CTIF: variants seen among roughly 807,000 people sequenced by gnomAD.
CTIF encodes the protein CBP80/20-dependent translation initiation factor.
A neutral mutation model predicts 66.0 loss-of-function variants in CTIF; 21 were observed. That is an observed-to-expected ratio of 0.32 (90% CI 0.23 to 0.46). CTIF has a LOEUF of 0.46. Ranked by LOEUF, CTIF falls within the 20% of genes least tolerant of loss-of-function variation. The pLI is 1.00. For synonymous variants in CTIF, 345 were observed against 326.4 expected, an observed-to-expected ratio of 1.06 and a Z score of -0.62; for missense variants, 739 against 812.7, an observed-to-expected ratio of 0.91 and a Z score of 1.10.
chr18:48,834,092 C>T (rs1255900632), intron 10 of CTIF, among the ~76,000 whole-genome samples: 3 of 149,202 alleles, frequency 2.0e-5, no homozygotes, highest in Admixed American at 1.3e-4. Flanking sequence ...TGAGGGTCGG[C>T]AAATGTCTGG....
intron 9 of CTIF, among the ~76,000 whole-genome samples, chr18:48,801,716 C>A (rs984629502): frequency 6.6e-6 from 1 of 152,208 alleles, no homozygotes; most frequent in African/African-American, 2.4e-5. Context: ...TTGGGCCACT[C>A]ATTGAAAGTA....
At chr18:48,711,393 C>A (rs376868521) in intron 6 of CTIF, among the ~76,000 whole-genome samples, 1 of 152,184 alleles carries the variant, frequency 6.6e-6, no homozygotes, top group Non-Finnish European at 1.5e-5. Context: ...TCCTCATTGT[C>A]CCTACTGTTC....
At chr18:48,674,542 A>G (rs2091594013) in intron 6 of CTIF, among the ~76,000 whole-genome samples, 1 of 152,238 alleles carries the variant, frequency 6.6e-6, no homozygotes, top group African/African-American at 2.4e-5. Context: ...GCTGACACCT[A>G]GGCGTCTGGC....
chr18:48,686,504 C>A (rs2091842209), intron 6 of CTIF, among the ~76,000 whole-genome samples: 2 of 151,742 alleles, frequency 1.3e-5, no homozygotes, highest in Non-Finnish European at 2.9e-5. Flanking sequence ...AAGATCGGGA[C>A]CTAGGTGTGC....
chr18:48,717,256 G>A (rs1010744145), intron 7 of CTIF, among the ~76,000 whole-genome samples: 8 of 151,990 alleles, frequency 5.3e-5, no homozygotes, highest in African/African-American at 1.9e-4. Flanking sequence ...AAAATTAGCC[G>A]AGCGTGGTGG....
chr18:48,747,766 A>C (rs1179294736), intron 7 of CTIF, among the ~76,000 whole-genome samples: 1 of 151,498 alleles, frequency 6.6e-6, no homozygotes, highest in East Asian at 1.9e-4. Context: ...AAAAAAAAAA[A>C]AATTAGCCAG....
intron 1 of CTIF, among the ~76,000 whole-genome samples, 174 bp from the exon 2 acceptor site, chr18:48,619,364 T>C (rs983630207): frequency 4.6e-5 from 7 of 152,180 alleles, no homozygotes; most frequent in East Asian, 3.9e-4. Context: ...TTACAGCACA[T>C]AGTTTATGCT....
At chr18:48,663,401 C>T (rs1372257424) in intron 3 of CTIF, among the ~76,000 whole-genome samples, 1 of 152,070 alleles carries the variant, frequency 6.6e-6, no homozygotes, top group African/African-American at 2.4e-5. Context: ...CTCTGCAGAG[C>T]CCCTCCCTGG....
At chr18:48,631,097 A>G (rs989267284) in intron 2 of CTIF, among the ~76,000 whole-genome samples, 4 of 152,186 alleles carry the variant, frequency 2.6e-5, no homozygotes, top group African/African-American at 9.7e-5. Flanking sequence ...CCACACTCTG[A>G]GCTTCTTGCT....
At chr18:48,622,232 C>T (rs1478781587) in intron 2 of CTIF, among the ~76,000 whole-genome samples, 1 of 151,888 alleles carries the variant, frequency 6.6e-6, no homozygotes, top group Admixed American at 6.6e-5. Context: ...TGGAGGCCAC[C>T]CAAAGAATTG....
intron 9 of CTIF, among the ~76,000 whole-genome samples, chr18:48,790,316 C>A (rs768880210): frequency 2.0e-5 from 3 of 152,232 alleles, no homozygotes; most frequent in Admixed American, 1.3e-4. Context: ...GAGGAAGTGT[C>A]CAACAGGCAG....
rs62105198 is a variant in CTIF at position 48,678,837 on chromosome 18, C to T, written c.507+8093C>T. Among the ~76,000 whole-genome samples the T allele has an allele frequency of 6.9e-3, 1,055 of 152,260 alleles. 7 individuals are homozygous for T. The highest frequency in any genetic ancestry group is 0.012 in the South Asian group (57 of 4,818). On this transcript the variant is annotated intron_variant, in intron 6 of 11. Transcript: ENST00000256413. ...CAAGTCTGCCCACCCTATAGGAACA[C>T]CTCAATGATCCAGGCCACGGCTAGG...
intron 1 of CTIF, among the ~76,000 whole-genome samples, chr18:48,584,697 C>A (rs1482453733): frequency 6.6e-6 from 1 of 152,220 alleles, no homozygotes; most frequent in Non-Finnish European, 1.5e-5. Context: ...TGACTGTCTG[C>A]CCACCATGCT....
At chr18:48,757,402 A>G (rs568996625) in intron 7 of CTIF, among the ~76,000 whole-genome samples, 2 of 152,362 alleles carry the variant, frequency 1.3e-5, no homozygotes, top group South Asian at 4.1e-4. Context: ...CAAAAAAAAA[A>G]AAGTTGTTTG....
chr18:48,748,465 C>G (rs1012794652), intron 7 of CTIF, among the ~76,000 whole-genome samples: 1 of 152,122 alleles, frequency 6.6e-6, no homozygotes, highest in Admixed American at 6.5e-5. Context: ...AAGCCAGAAG[C>G]CTAGAGGTGT....
intron 1 of CTIF, among the ~76,000 whole-genome samples, chr18:48,562,738 GA>G (rs2089191333): frequency 6.6e-6 from 1 of 152,138 alleles, no homozygotes; most frequent in Non-Finnish European, 1.5e-5. Context: ...CATTTTTATC[GA>G]GCATGATCAT....
chr18:48,641,408 G>A (rs1459392902), intron 3 of CTIF, among the ~76,000 whole-genome samples: 1 of 152,244 alleles, frequency 6.6e-6, no homozygotes, highest in Non-Finnish European at 1.5e-5. Flanking sequence ...GCAAGGTGAT[G>A]AAATCTTTGC....
At chr18:48,849,835 C>T (rs987894422) in intron 10 of CTIF, among the ~76,000 whole-genome samples, 3 of 152,050 alleles carry the variant, frequency 2.0e-5, no homozygotes, top group East Asian at 3.9e-4. Flanking sequence ...CCACCCGTCT[C>T]GACCTCCCAA....
chr18:48,568,670 A>T (rs1181100002), intron 1 of CTIF, among the ~76,000 whole-genome samples: 93 of 133,924 alleles, frequency 6.9e-4, no homozygotes, highest in Non-Finnish European at 1.2e-3. Flanking sequence ...AAAAAAAAAG[A>T]GGTTTAATGG....
Sources: gnomAD v4.1 joint callset for allele counts (sites outside exome capture counted in the v4.1 genomes callset) on GRCh38, gnomAD v4.1.1 for gene constraint, MANE v1.5 for transcripts, NCBI Gene and HGNC (gene_info 2026-07-23, HGNC 2026-07-21) for gene names.